Variants in AMPD3 observed in about 807,000 individuals in gnomAD.
AMPD3 encodes adenosine monophosphate deaminase 3.
AMPD3 carries 57 observed loss-of-function variants against 82.3 expected under a neutral mutation model. The observed-to-expected ratio is 0.69, with a 90% confidence interval of 0.56 to 0.86. AMPD3 has a LOEUF of 0.86. AMPD3 is among the 40% of genes least tolerant of loss of function. The probability of loss-of-function intolerance (pLI) is 0.00; values close to 1 mark genes in which losing one functional copy is unlikely to be tolerated. For missense variants in AMPD3, 870 were observed against 1,003.8 expected, an observed-to-expected ratio of 0.87 and a Z score of 1.80; for synonymous variants, 381 against 394.7, an observed-to-expected ratio of 0.97 and a Z score of 0.41.
chr11:10,478,407 G>A, intron 2 of AMPD3, 119 bp from the exon 3 acceptor site: 2 of 1,575,062 alleles, frequency 1.3e-6, no homozygotes, highest in African/African-American at 1.3e-5. Flanking sequence ...TAATGGTAGG[G>A]CCAGCACCAG....
chr11:10,488,286 T>A lies in AMPD3; in HGVS notation c.939+922T>A, dbSNP rs190731665. ...CACAGGGTCAGTGCTAGGCAGGGGG[T>A]GTTTGATGGTGAGCAAGAGTCACTT... On this transcript the variant is annotated intron_variant, in intron 6 of 14. Transcript: ENST00000396553. 9.1e-6 allele frequency: 9 copies of A among 984,734 alleles called. No individual in the cohort carries two copies. The Admixed American group carries it at 4.9e-4, about 54-fold the overall frequency. The allele number at this position is 984,734 out of a possible 1,614,324, so 61.0% of individuals were successfully genotyped here.
At chr11:10,483,185 G>T (rs1322477810) in intron 4 of AMPD3, among the ~76,000 whole-genome samples, 1 of 152,210 alleles carries the variant, frequency 6.6e-6, no homozygotes, top group African/African-American at 2.4e-5. Flanking sequence ...GTTCAGGGAA[G>T]GGGAGGTCGG....
upstream of AMPD3, chr11:10,450,968 G>A (rs1847945766): frequency 1.3e-6 from 2 of 1,536,344 alleles, no homozygotes; most frequent in East Asian, 2.5e-5. Context: ...GCTCCGCTCT[G>A]CCCAGCGCGT....
chr11:10,452,856 C>A (rs182883508), upstream of AMPD3, among the ~76,000 whole-genome samples: 1 of 152,248 alleles, frequency 6.6e-6, no homozygotes, highest in Middle Eastern at 3.4e-3. Flanking sequence ...GGAATAAAAC[C>A]GAGCCACAGA....
At chr11:10,501,201 A>G (rs1314865692) in intron 11 of AMPD3, 2 of 985,228 alleles carry the variant, frequency 2.0e-6, no homozygotes, top group Non-Finnish European at 2.4e-6. Flanking sequence ...CAGGAGAGGA[A>G]TTCAGGAGAG....
intron 2 of AMPD3, among the ~76,000 whole-genome samples, chr11:10,464,945 A>G (rs559691766): frequency 6.6e-6 from 1 of 152,346 alleles, no homozygotes; most frequent in South Asian, 2.1e-4. Context: ...ATGTGTGGTG[A>G]TTATAAGCCT....
intron 2 of AMPD3, among the ~76,000 whole-genome samples, chr11:10,463,780 C>T (rs893323537): frequency 1.3e-5 from 2 of 152,178 alleles, no homozygotes; most frequent in African/African-American, 4.8e-5. Context: ...AAACTTCTCT[C>T]CAAAAACTTT....
chr11:10,497,773 G>C (rs1435981822), intron 10 of AMPD3: 1 of 985,362 alleles, frequency 1.0e-6, no homozygotes, highest in Non-Finnish European at 1.2e-6. Context: ...GACAGGAGGG[G>C]AGCTTGACCC....
At chr11:10,502,170 C>T in intron 12 of AMPD3, 1 of 985,436 alleles carries the variant, frequency 1.0e-6, no homozygotes, top group Non-Finnish European at 1.2e-6. Flanking sequence ...GATCAAAATG[C>T]TCCCTTTCCC....
chr11:10,496,129 C>T, intron 9 of AMPD3: 1 of 655,312 alleles, frequency 1.5e-6, no homozygotes, highest in Non-Finnish European at 1.9e-6. Flanking sequence ...CTTGGCCAGG[C>T]TGGTCTTGAA....
At chr11:10,495,821 G>T (rs1849381627) in intron 9 of AMPD3, 88 bp downstream of exon 9, 2 of 1,534,926 alleles carry the variant, frequency 1.3e-6, no homozygotes, top group African/African-American at 2.7e-5. Flanking sequence ...CTCCTGAGGG[G>T]TAGGGCCTGT....
intron 1 of AMPD3, among the ~76,000 whole-genome samples, chr11:10,458,215 C>T (rs1260969302): frequency 4.0e-5 from 6 of 148,752 alleles, no homozygotes; most frequent in Non-Finnish European, 7.4e-5. Context: ...CCTCCTCAGC[C>T]TCCCAAATTG....
chr11:10,474,953 G>A (rs985019887), intron 2 of AMPD3, among the ~76,000 whole-genome samples: 5 of 152,156 alleles, frequency 3.3e-5, no homozygotes, highest in African/African-American at 1.2e-4. Flanking sequence ...TCTAACAGGG[G>A]CACCAGATCA....
intron 6 of AMPD3, among the ~76,000 whole-genome samples, chr11:10,492,788 A>G (rs545612683): frequency 3.9e-5 from 6 of 152,168 alleles, no homozygotes; most frequent in African/African-American, 1.4e-4. Flanking sequence ...GGGAAAGAGC[A>G]TTCAGTTGTG....
At chr11:10,499,855 C>T (rs1225937785) in intron 10 of AMPD3, 45 of 985,298 alleles carry the variant, frequency 4.6e-5, no homozygotes, top group Non-Finnish European at 5.3e-5. Context: ...ACTCTCCTGT[C>T]TCACCTCCAG....
At chr11:10,465,868 A>T (rs1848406452) in intron 2 of AMPD3, among the ~76,000 whole-genome samples, 1 of 143,414 alleles carries the variant, frequency 7.0e-6, no homozygotes, top group East Asian at 2.2e-4. Flanking sequence ...CTGGAGCGCC[A>T]GCAAGACAGA....
chr11:10,486,276 T>C (rs1849067068), intron 5 of AMPD3, among the ~76,000 whole-genome samples: 1 of 152,196 alleles, frequency 6.6e-6, no homozygotes. Context: ...GATGGATGAC[T>C]GTGCTGTTGC....
At chr11:10,467,916 A>T (rs1006207049) in intron 2 of AMPD3, among the ~76,000 whole-genome samples, 1 of 152,230 alleles carries the variant, frequency 6.6e-6, no homozygotes, top group African/African-American at 2.4e-5. Context: ...GCAGCCAAAC[A>T]AAGCTTCATA....
At chr11:10,451,779 C>T (rs1847969989), upstream of AMPD3, among the ~76,000 whole-genome samples, 1 of 152,230 alleles carries the variant, frequency 6.6e-6, no homozygotes, top group Non-Finnish European at 1.5e-5. Context: ...TTGGCTTTCC[C>T]TCAGGATGCA....
Sources: gnomAD v4.1 joint callset for allele counts (sites outside exome capture counted in the v4.1 genomes callset) on GRCh38, gnomAD v4.1.1 for gene constraint, MANE v1.5 for transcripts, NCBI Gene and HGNC (gene_info 2026-07-23, HGNC 2026-07-21) for gene names.